Variants in CARMIL1 observed in about 807,000 individuals in gnomAD.
CARMIL1 encodes the protein F-actin-uncapping protein LRRC16A.
Under a neutral mutation model 177.1 loss-of-function variants are expected in CARMIL1, and 90 were observed. The observed-to-expected ratio is 0.51, with a 90% confidence interval of 0.43 to 0.61. The LOEUF (loss-of-function observed/expected upper bound fraction) is 0.61, where lower values mean the gene tolerates loss of function less well. Ranked by LOEUF, CARMIL1 falls within the 20% of genes least tolerant of loss-of-function variation. CARMIL1 has a pLI of 0.00. For missense variants in CARMIL1, 1,380 were observed against 1,667.0 expected, an observed-to-expected ratio of 0.83 and a Z score of 3.00; for synonymous variants, 577 against 606.2, an observed-to-expected ratio of 0.95 and a Z score of 0.71.
At chr6:25,310,059 C>T (rs1344091499) in intron 2 of CARMIL1, among the ~76,000 whole-genome samples, 7 of 152,058 alleles carry the variant, frequency 4.6e-5, no homozygotes, top group Non-Finnish European at 7.3e-5. Context: ...TGAGCCACCC[C>T]GCCGGGCCAC....
chr6:25,286,297 C>T (rs1277871355), intron 2 of CARMIL1, among the ~76,000 whole-genome samples: 2 of 152,212 alleles, frequency 1.3e-5, no homozygotes, highest in Non-Finnish European at 2.9e-5. Flanking sequence ...ATGTGATTGT[C>T]TTTTCTTGTT....
intron 20 of CARMIL1, among the ~76,000 whole-genome samples, chr6:25,511,041 CT>C (rs1316813022): frequency 6.6e-6 from 1 of 152,052 alleles, no homozygotes; most frequent in African/African-American, 2.4e-5. Context: ...TTTAATTAGC[CT>C]TACTACTCCC....
At chr6:25,560,898 G>T (rs1312489670) in intron 29 of CARMIL1, among the ~76,000 whole-genome samples, 1 of 152,204 alleles carries the variant, frequency 6.6e-6, no homozygotes, top group Non-Finnish European at 1.5e-5. Context: ...TTGGAAACGT[G>T]TGTCAAATAT....
At chr6:25,513,896 A>C (rs550551813) in intron 20 of CARMIL1, among the ~76,000 whole-genome samples, 1 of 152,178 alleles carries the variant, frequency 6.6e-6, no homozygotes, top group Admixed American at 6.5e-5. Context: ...GAGGACCCCA[A>C]GCAACCCAGG....
At chr6:25,391,658 A>T (rs909223326) in intron 2 of CARMIL1, among the ~76,000 whole-genome samples, 6 of 152,204 alleles carry the variant, frequency 3.9e-5, no homozygotes, top group African/African-American at 1.4e-4. Context: ...TAATTAAAAC[A>T]ATATTTAAAT....
At chr6:25,316,786 GTAAC>G (rs1350326605) in intron 2 of CARMIL1, among the ~76,000 whole-genome samples, 1 of 152,112 alleles carries the variant, frequency 6.6e-6, no homozygotes, top group African/African-American at 2.4e-5. Flanking sequence ...AGTTCTGTCT[GTAAC>G]TGACTGTGGA....
Position 25,515,958 on chromosome 6 carries a change from T to G in CARMIL1, c.1805+111T>G. 9.5e-7 allele frequency: 1 copy of G among 1,052,670 alleles called. No individual in the cohort carries two copies. Among genetic ancestry groups the G allele is most frequent in the Non-Finnish European group, 1.3e-6 (1 of 747,638 alleles). 65.2% of individuals were successfully genotyped at this position (1,052,670 alleles called of 1,614,324 possible). On this transcript the variant is annotated intron_variant, in intron 21 of 36. Coordinates refer to ENST00000329474, the MANE Select transcript of CARMIL1 (RefSeq NM_017640.6). The surrounding 1 kb of genome is among the most constrained non-coding windows in gnomAD (Gnocchi z 5.0). ...GGGACCTGGGCTTCCCATGAGGCCATCTTGAGGAGAAGAGGTGACAATGTC... is the reference window on the plus strand; with the variant it reads ...GGGACCTGGGCTTCCCATGAGGCCAGCTTGAGGAGAAGAGGTGACAATGTC...
rs1284292043 is a variant in CARMIL1 at position 25,420,261 on chromosome 6, C to G, written c.189+97C>G. On this transcript the variant is annotated intron_variant, in intron 3 of 36. Transcript: ENST00000329474. The stretch of plus-strand genomic sequence containing the variant: ...ATTCTTACATGTGTGCACACATATT[C>G]CTTCATATACTGCAACACAACACAC... 4 of 1,075,712 alleles carry G rather than the reference C, an allele frequency of 3.7e-6. No homozygotes were observed. The African/African-American group carries it at 6.2e-5, about 17-fold the overall frequency. The allele number at this position is 1,075,712 out of a possible 1,614,324, so 66.6% of individuals were successfully genotyped here.
rs534464258 is a variant in CARMIL1 at position 25,315,168 on chromosome 6, A to T, written c.138+30259A>T. Among the ~76,000 whole-genome samples, 9 of 152,334 alleles carry T rather than the reference A, an allele frequency of 5.9e-5. No homozygotes were observed. In the South Asian group the frequency reaches 1.5e-3, roughly 25 times the overall value. On this transcript the variant is annotated intron_variant, in intron 2 of 36. Coordinates refer to ENST00000329474, the MANE Select transcript of CARMIL1 (RefSeq NM_017640.6). ...CAAAGTTGCAGAACATGAGAGGCAG[A>T]GTGTGGATGAGGCTCTATGTCTTAG...
intron 17 of CARMIL1, among the ~76,000 whole-genome samples, chr6:25,505,750 G>T (rs1582179108): frequency 6.6e-6 from 1 of 152,148 alleles, no homozygotes; most frequent in Non-Finnish European, 1.5e-5. Context: ...ACTATGCCTG[G>T]CCATGTGCAT....
At chr6:25,418,947 A>G (rs1167448437) in intron 2 of CARMIL1, among the ~76,000 whole-genome samples, 1 of 152,124 alleles carries the variant, frequency 6.6e-6, no homozygotes, top group Non-Finnish European at 1.5e-5. Flanking sequence ...GTTATCCCCT[A>G]CCGTGATGAC....
At chr6:25,312,914 A>AC (rs55803654) in intron 2 of CARMIL1, among the ~76,000 whole-genome samples, 27,735 of 150,058 alleles carry the variant, frequency 0.18, 3,824 homozygotes, top group East Asian at 0.39. Context: ...TTAAAAAAAA[A>AC]AAAAAAAAAA....
chr6:25,328,000 G>A (rs1242550531), intron 2 of CARMIL1, among the ~76,000 whole-genome samples: 1 of 152,084 alleles, frequency 6.6e-6, no homozygotes, highest in Admixed American at 6.6e-5. Flanking sequence ...TGAATATTTG[G>A]CATTATTTAT....
chr6:25,422,450 A>G (rs73393809), intron 3 of CARMIL1, among the ~76,000 whole-genome samples: 1 of 152,032 alleles, frequency 6.6e-6, no homozygotes, highest in Admixed American at 6.6e-5. Context: ...TAGGCTTAGG[A>G]TATCTGTGGC....
chr6:25,431,272 G>C (rs11754719), intron 4 of CARMIL1, among the ~76,000 whole-genome samples: 2 of 143,028 alleles, frequency 1.4e-5, no homozygotes, highest in Non-Finnish European at 1.5e-5. Flanking sequence ...AAGTGTGTGT[G>C]TGTGTGTGTG....
At chr6:25,467,885 T>G (rs574910407) in intron 9 of CARMIL1, among the ~76,000 whole-genome samples, 21 of 152,338 alleles carry the variant, frequency 1.4e-4, no homozygotes, top group African/African-American at 4.3e-4. Flanking sequence ...TTGATGTTTT[T>G]TACCCAAAGT....
intron 22 of CARMIL1, among the ~76,000 whole-genome samples, chr6:25,518,481 T>A (rs542101643): frequency 6.6e-6 from 1 of 152,238 alleles, no homozygotes; most frequent in Non-Finnish European, 1.5e-5. Context: ...GCCCCTTCTC[T>A]GTGCTGACCC....
At chr6:25,450,485 T>C (rs1233468825) in intron 7 of CARMIL1, 76 bp downstream of exon 7, 2 of 1,348,876 alleles carry the variant, frequency 1.5e-6, no homozygotes, top group African/African-American at 2.9e-5. Flanking sequence ...GGCTTGTTTT[T>C]CTTTTTTTCC....
rs372948140 is a variant in CARMIL1 at position 25,537,764 on chromosome 6, GT to G, written c.2068-84del. The G allele has an allele frequency of 8.4e-4, 1,255 of 1,501,960 alleles. 3 individuals carry two copies. Among genetic ancestry groups the G allele is most frequent in the African/African-American group, 4.6e-3 (332 of 72,232 alleles). 93.0% of individuals were successfully genotyped at this position (1,501,960 alleles called of 1,614,324 possible). ...CTTGTGCATTCTGTGGTTTGCTGAA[GT>G]TTTTTTCATACTCCTTCGTTCTGTG... On this transcript the variant is annotated intron_variant, in intron 24 of 36. Transcript: ENST00000329474.
Sources: gnomAD v4.1 joint callset for allele counts (sites outside exome capture counted in the v4.1 genomes callset) on GRCh38, gnomAD v4.1.1 for gene constraint, Gnocchi (gnomAD v3.1) non-coding constraint, MANE v1.5 for transcripts, NCBI Gene and HGNC (gene_info 2026-07-23, HGNC 2026-07-21) for gene names.